The following NEK11 variants were observed in gnomAD, a reference collection of about 807,000 sequenced individuals.
NEK11 encodes NIMA related kinase 11.
A neutral mutation model predicts 80.7 loss-of-function variants in NEK11; 72 were observed. That is an observed-to-expected ratio of 0.89 (90% confidence interval 0.74 to 1.08). The LOEUF (loss-of-function observed/expected upper bound fraction) is 1.08, where lower values mean the gene tolerates loss of function less well. Ranked by LOEUF, NEK11 falls within the 50% of genes least tolerant of loss-of-function variation. The probability of loss-of-function intolerance (pLI) is 0.00; values close to 1 mark genes in which losing one functional copy is unlikely to be tolerated. For synonymous variants in NEK11, 251 were observed against 260.7 expected, an observed-to-expected ratio of 0.96 and a Z score of 0.36; for missense variants, 764 against 763.6, an observed-to-expected ratio of 1.00 and a Z score of -0.01.
intron 17 of NEK11, among the ~76,000 whole-genome samples, chr3:131,342,732 GGTGT>G (rs138440625): frequency 0.015 from 2,324 of 151,324 alleles, 56 homozygotes; most frequent in African/African-American, 0.053. Context: ...CATGATAAGA[GGTGT>G]GTGTGTGTGT....
chr3:131,125,511 C>A (rs2149509130), intron 5 of NEK11, among the ~76,000 whole-genome samples: 1 of 152,208 alleles, frequency 6.6e-6, no homozygotes, highest in South Asian at 2.1e-4. Context: ...TAATTATTTA[C>A]AATTATAAAT....
chr3:131,264,980 T>G (rs1257037957), intron 16 of NEK11, among the ~76,000 whole-genome samples: 1 of 152,224 alleles, frequency 6.6e-6, no homozygotes, highest in Non-Finnish European at 1.5e-5. Context: ...GAAGCCATTG[T>G]GAATGGGAGT....
chr3:131,195,793 A>AATATATATATATATATATATATATAT (rs58272752), intron 14 of NEK11, among the ~76,000 whole-genome samples: 32 of 133,876 alleles, frequency 2.4e-4, no homozygotes, highest in African/African-American at 8.4e-4. Context: ...TATATTTCAG[A>AATATATATATATATATATATATATAT]ATATATATAT....
Position 131,026,897 on chromosome 3 carries a change from C to G in NEK11, c.-279C>G, listed in dbSNP as rs1168520852. 6.6e-6 allele frequency: 1 copy of G among 152,258 alleles called. No homozygotes were observed. Among genetic ancestry groups the G allele is most frequent in the African/African-American group, 2.4e-5 (1 of 41,442 alleles). 9.4% of individuals were successfully genotyped at this position (152,258 alleles called of 1,614,324 possible). A position where few individuals can be genotyped will look rare whatever the true frequency, so the allele number is the denominator to read the frequency against. On this transcript the variant is annotated 5_prime_UTR_variant, in exon 1 of 18. Coordinates refer to ENST00000383366, the MANE Select transcript of NEK11 (RefSeq NM_024800.5). ...TGGCCACGGTTCCAAACAGCCGTGGCCCGCGGTGTCTGGCGCTCGGTGGGT... is the reference window on the plus strand; with the variant it reads ...TGGCCACGGTTCCAAACAGCCGTGGGCCGCGGTGTCTGGCGCTCGGTGGGT...
At chr3:131,136,330 G>A (rs2085554575) in intron 7 of NEK11, among the ~76,000 whole-genome samples, 1 of 152,138 alleles carries the variant, frequency 6.6e-6, no homozygotes, top group Admixed American at 6.5e-5. Flanking sequence ...TAATTATAGT[G>A]TCAGATACAT....
At chr3:131,334,993 A>G (rs1349883122) in intron 17 of NEK11, among the ~76,000 whole-genome samples, 2 of 152,194 alleles carry the variant, frequency 1.3e-5, no homozygotes, top group African/African-American at 4.8e-5. Context: ...TACCAACCAA[A>G]AAGAGTCCGG....
intron 4 of NEK11, among the ~76,000 whole-genome samples, chr3:131,091,234 C>T (rs1353681652): frequency 6.6e-6 from 1 of 152,174 alleles, no homozygotes; most frequent in Non-Finnish European, 1.5e-5. Flanking sequence ...TTGCTTAATG[C>T]TAAAAACAGA....
intron 3 of NEK11, among the ~76,000 whole-genome samples, chr3:131,055,003 G>A (rs950448352): frequency 6.6e-6 from 1 of 152,096 alleles, no homozygotes; most frequent in African/African-American, 2.4e-5. Flanking sequence ...TGTAGCAGAA[G>A]GACTAGCCTC....
At chr3:131,084,588 C>A (rs963582015) in intron 4 of NEK11, among the ~76,000 whole-genome samples, 1 of 152,162 alleles carries the variant, frequency 6.6e-6, no homozygotes, top group African/African-American at 2.4e-5. Context: ...TGGGTGAGAT[C>A]ACATATCTTC....
intron 5 of NEK11, among the ~76,000 whole-genome samples, chr3:131,122,777 C>T (rs893464787): frequency 1.3e-5 from 2 of 152,318 alleles, no homozygotes; most frequent in Non-Finnish European, 2.9e-5. Flanking sequence ...TGCCTGCCCT[C>T]TGTACCTCCA....
At chr3:131,091,890 A>G (rs2076784506) in intron 4 of NEK11, among the ~76,000 whole-genome samples, 2 of 152,214 alleles carry the variant, frequency 1.3e-5, no homozygotes, top group Non-Finnish European at 1.5e-5. Context: ...CTTTTATAGG[A>G]TGGACACAAA....
At chr3:131,267,005 T>C (rs2096071438) in intron 16 of NEK11, among the ~76,000 whole-genome samples, 1 of 152,240 alleles carries the variant, frequency 6.6e-6, no homozygotes, top group South Asian at 2.1e-4. Context: ...GAGACTAAAT[T>C]GCAACACCTG....
intron 16 of NEK11, among the ~76,000 whole-genome samples, chr3:131,263,871 C>T (rs2095987803): frequency 6.6e-6 from 1 of 152,126 alleles, no homozygotes; most frequent in Non-Finnish European, 1.5e-5. Context: ...CTCTCCAGCA[C>T]CTGTTGTTTC....
intron 13 of NEK11, 106 bp from the exon 14 acceptor site, chr3:131,170,667 T>G: frequency 6.6e-6 from 5 of 754,850 alleles, no homozygotes; most frequent in Non-Finnish European, 1.2e-5. Flanking sequence ...GAGGATTAGG[T>G]AGGCTTGTTT....
intron 5 of NEK11, among the ~76,000 whole-genome samples, chr3:131,129,527 A>C (rs1451866896): frequency 3.3e-5 from 5 of 152,212 alleles, no homozygotes; most frequent in African/African-American, 1.2e-4. Flanking sequence ...GTTATCACCA[A>C]ACTTAAAATC....
At chr3:131,305,608 C>T (rs547065649) in intron 17 of NEK11, among the ~76,000 whole-genome samples, 2 of 152,312 alleles carry the variant, frequency 1.3e-5, no homozygotes, top group East Asian at 3.9e-4. Flanking sequence ...ACACCAAACC[C>T]TCTTGGCTCT....
chr3:131,238,226 C>T (rs2095465060), intron 15 of NEK11, among the ~76,000 whole-genome samples: 1 of 152,144 alleles, frequency 6.6e-6, no homozygotes, highest in African/African-American at 2.4e-5. Flanking sequence ...GACTGAGAAT[C>T]CCCTCTTTCC....
intron 2 of NEK11, among the ~76,000 whole-genome samples, chr3:131,028,797 G>C (rs570297854): frequency 6.6e-6 from 1 of 151,966 alleles, no homozygotes; most frequent in Admixed American, 6.5e-5. Context: ...CTCGTGATCC[G>C]CCCGCCTTGG....
chr3:131,333,727 C>T (rs4321510), intron 17 of NEK11, among the ~76,000 whole-genome samples: 62,158 of 152,024 alleles, frequency 0.41, 15,691 homozygotes, highest in Non-Finnish European at 0.54. Context: ...AAACCCATCT[C>T]ATGTGCTGAG....
Sources: allele counts gnomAD v4.1 joint callset (sites outside exome capture counted in the v4.1 genomes callset), GRCh38; gene constraint gnomAD v4.1.1; transcripts MANE v1.5; gene names NCBI Gene and HGNC (gene_info 2026-07-23, HGNC 2026-07-21).